PLCG2: variants seen among roughly 807,000 people sequenced by gnomAD.
The protein encoded by PLCG2 is phospholipase C gamma 2, also known as 1-phosphatidylinositol 4,5-bisphosphate phosphodiesterase gamma-2.
A neutral mutation model predicts 175.6 loss-of-function variants in PLCG2; 69 were observed. The observed-to-expected ratio is 0.39, with a 90% CI of 0.32 to 0.48. PLCG2 has a LOEUF of 0.48. Ranked by LOEUF, PLCG2 falls within the 20% of genes least tolerant of loss-of-function variation. The pLI, the probability that PLCG2 is intolerant of heterozygous loss-of-function variation, is 0.91. For missense variants in PLCG2, 1,798 were observed against 1,650.9 expected, an observed-to-expected ratio of 1.09 and a Z score of -1.54; for synonymous variants, 827 against 624.0, an observed-to-expected ratio of 1.33 and a Z score of -4.85.
chr16:81,844,382 C>G (rs555267708), intron 2 of PLCG2, among the ~76,000 whole-genome samples: 1 of 151,986 alleles, frequency 6.6e-6, no homozygotes. Flanking sequence ...GTGGTGTGAT[C>G]TTGGCTCACT....
chr16:81,777,215 C>G (rs1910430565), upstream of PLCG2, among the ~76,000 whole-genome samples: 1 of 152,060 alleles, frequency 6.6e-6, no homozygotes, highest in Non-Finnish European at 1.5e-5. Context: ...TCAAGATAGG[C>G]TTTTAGGAGC....
Position 81,921,617 on chromosome 16 carries a change from T to C in PLCG2, c.2307+348T>C, listed in dbSNP as rs74032924. Reference sequence around the variant, plus strand: ...AATTCCATTTGGTTCACTGACCTCCTTGCAGTGCAAATGCTATCTCATATT... The same window carrying C: ...AATTCCATTTGGTTCACTGACCTCCCTGCAGTGCAAATGCTATCTCATATT... On this transcript the variant is annotated intron_variant, in intron 21 of 32. Coordinates refer to ENST00000564138, the MANE Select transcript of PLCG2 (RefSeq NM_002661.5). 3.9e-3 allele frequency: 1,415 copies of C among 362,476 alleles called. 18 individuals are homozygous for C. Among genetic ancestry groups the C allele is most frequent in the African/African-American group, 0.028 (1,334 of 47,246 alleles). The allele number at this position is 362,476 out of a possible 1,614,324, so 22.5% of individuals were successfully genotyped here.
chr16:81,805,292 G>T (rs201929574), intron 2 of PLCG2, among the ~76,000 whole-genome samples: 1 of 152,118 alleles, frequency 6.6e-6, no homozygotes, highest in Non-Finnish European at 1.5e-5. Flanking sequence ...AAGGTCAGGA[G>T]ATCGAGACCA....
At chr16:81,952,980 C>T (rs1189746038) in intron 31 of PLCG2, among the ~76,000 whole-genome samples, 1 of 152,212 alleles carries the variant, frequency 6.6e-6, no homozygotes, top group Admixed American at 6.5e-5. Context: ...TGGAATAAGG[C>T]AGGTTGAAAT....
chr16:81,831,488 C>A (rs759880442), intron 2 of PLCG2, among the ~76,000 whole-genome samples: 2 of 152,220 alleles, frequency 1.3e-5, no homozygotes, highest in African/African-American at 2.4e-5. Context: ...ACGAAACTGG[C>A]CCTCTCTATT....
At chr16:81,811,785 T>A (rs1171521115) in intron 2 of PLCG2, among the ~76,000 whole-genome samples, 1 of 152,186 alleles carries the variant, frequency 6.6e-6, no homozygotes, top group Non-Finnish European at 1.5e-5. Flanking sequence ...GGCATTTGGA[T>A]TGGTTCCATG....
chr16:81,906,734 A>G (rs2069753382), intron 15 of PLCG2, among the ~76,000 whole-genome samples: 1 of 152,220 alleles, frequency 6.6e-6, no homozygotes, highest in African/African-American at 2.4e-5. Flanking sequence ...AAAAATGGCA[A>G]TATTTAAGTA....
In PLCG2 at chr16:81,825,297, T is replaced by TG. The variant is rs1243416212; in HGVS notation, c.194-29147_194-29146insG. ...GAGATGCTCTAATTTTTTTTTTTTT[T>TG]TTTTTTTTTGAGACAGAGTCTCACT... On this transcript the variant is annotated intron_variant, in intron 2 of 32. Transcript: ENST00000564138. 8.1e-3 allele frequency among the ~76,000 whole-genome samples: 1,189 copies of TG among 147,670 alleles called. 20 individuals are homozygous for TG. Among genetic ancestry groups the TG allele is most frequent in the Middle Eastern group, 0.028 (8 of 290 alleles).
At chr16:81,895,298 C>T (rs1256678338) in intron 12 of PLCG2, among the ~76,000 whole-genome samples, 10 of 152,298 alleles carry the variant, frequency 6.6e-5, no homozygotes, top group Admixed American at 2.6e-4. Flanking sequence ...TGGTGGCTCA[C>T]GCCTGTAATC....
At chr16:81,838,257 T>G (rs1905630057) in intron 2 of PLCG2, among the ~76,000 whole-genome samples, 1 of 152,032 alleles carries the variant, frequency 6.6e-6, no homozygotes, top group Non-Finnish European at 1.5e-5. Context: ...TGGCTAATGT[T>G]TATATTTTTA....
intron 2 of PLCG2, among the ~76,000 whole-genome samples, chr16:81,790,062 C>A (rs554738147): frequency 1.3e-5 from 2 of 152,310 alleles, no homozygotes; most frequent in African/African-American, 4.8e-5. Flanking sequence ...AACTTTAATT[C>A]CCTTATCTGT....
In PLCG2 at chr16:81,908,398, C is replaced by T. The variant is rs113312523; in HGVS notation, c.1558-18C>T. 2.6e-3 allele frequency: 4,171 copies of T among 1,609,916 alleles called. 99 individuals carry two copies. In the African/African-American group the frequency reaches 0.048, roughly 19 times the overall value. On this transcript the variant is annotated intron_variant, in intron 16 of 32. Transcript: ENST00000564138. ...TGGTCCAAGGCTTTCAGAAACCCCT[C>T]CTCTCTTTGCGGCCCAGGATATACC...
At chr16:81,859,885 G>A (rs578071417) in intron 5 of PLCG2, among the ~76,000 whole-genome samples, 2 of 152,220 alleles carry the variant, frequency 1.3e-5, no homozygotes, top group South Asian at 2.1e-4. Flanking sequence ...ATGTGATAAC[G>A]TATATTCAGT....
intron 6 of PLCG2, among the ~76,000 whole-genome samples, 158 bp downstream of exon 6, chr16:81,869,456 A>G (rs1567507906): frequency 6.6e-6 from 1 of 152,178 alleles, no homozygotes; most frequent in Non-Finnish European, 1.5e-5. Flanking sequence ...TCATGGACAT[A>G]TCTGAGGACC....
chr16:81,776,402 C>T (rs1455396364), upstream of PLCG2, among the ~76,000 whole-genome samples: 1 of 151,884 alleles, frequency 6.6e-6, no homozygotes, highest in African/African-American at 2.4e-5. Context: ...AGCCACCGCG[C>T]CCGGCTCAGA....
intron 28 of PLCG2, among the ~76,000 whole-genome samples, chr16:81,938,289 T>G (rs773982711): frequency 6.6e-6 from 1 of 152,206 alleles, no homozygotes; most frequent in Non-Finnish European, 1.5e-5. Context: ...TTAAAATTCA[T>G]CTGACTTTCA....
intron 2 of PLCG2, among the ~76,000 whole-genome samples, chr16:81,853,205 C>G (rs1381697640): frequency 2.6e-5 from 4 of 152,224 alleles, no homozygotes; most frequent in South Asian, 2.1e-4. Context: ...GTGGCACATG[C>G]CTGTAATCCC....
chr16:81,843,436 TATTAC>T (rs1199456209), intron 2 of PLCG2, among the ~76,000 whole-genome samples: 9 of 152,334 alleles, frequency 5.9e-5, no homozygotes, highest in Middle Eastern at 3.4e-3. Flanking sequence ...GATTGCAATA[TATTAC>T]ATCATATTAC....
At chr16:81,754,119 G>T (rs1909869964) in intron 1 of PLCG2, among the ~76,000 whole-genome samples, 1 of 151,970 alleles carries the variant, frequency 6.6e-6, no homozygotes, top group South Asian at 2.1e-4. Flanking sequence ...TTGACCCAGT[G>T]ACACAGGTTC....
Sources: allele counts gnomAD v4.1 joint callset (sites outside exome capture counted in the v4.1 genomes callset), GRCh38; gene constraint gnomAD v4.1.1; transcripts MANE v1.5; gene names NCBI Gene and HGNC (gene_info 2026-07-23, HGNC 2026-07-21).